Variants in PPM1H observed in about 807,000 individuals in gnomAD.
The protein encoded by PPM1H is protein phosphatase, Mg2+/Mn2+ dependent 1H, also known as protein phosphatase 1H.
Under a neutral mutation model 54.9 loss-of-function variants are expected in PPM1H, and 27 were observed. That is an observed-to-expected ratio of 0.49 (90% CI 0.36 to 0.68). The LOEUF (loss-of-function observed/expected upper bound fraction) is 0.68, where lower values mean the gene tolerates loss of function less well. Ranked by LOEUF, PPM1H falls within the 30% of genes least tolerant of loss-of-function variation. PPM1H has a pLI of 0.00. For missense variants in PPM1H, 596 were observed against 667.8 expected, an observed-to-expected ratio of 0.89 and a Z score of 1.19; for synonymous variants, 305 against 270.8, an observed-to-expected ratio of 1.13 and a Z score of -1.24.
At chr12:62,927,588 G>A (rs1872010376) in intron 1 of PPM1H, among the ~76,000 whole-genome samples, 1 of 151,686 alleles carries the variant, frequency 6.6e-6, no homozygotes, top group African/African-American at 2.4e-5. Flanking sequence ...CTTGAACCCA[G>A]GAGGCAGAGG....
chr12:62,757,894 A>G (rs755260257), intron 4 of PPM1H, among the ~76,000 whole-genome samples: 3 of 152,178 alleles, frequency 2.0e-5, no homozygotes, highest in Non-Finnish European at 4.4e-5. Flanking sequence ...ACCACCTCTC[A>G]AAGAAGAAAA....
intron 1 of PPM1H, among the ~76,000 whole-genome samples, chr12:62,905,156 T>A (rs759846343): frequency 6.6e-6 from 1 of 152,162 alleles, no homozygotes; most frequent in Non-Finnish European, 1.5e-5. Flanking sequence ...AATGAGACAG[T>A]ATTGGTAGAG....
chr12:62,898,819 C>T (rs1050017313), intron 1 of PPM1H, among the ~76,000 whole-genome samples: 2 of 152,216 alleles, frequency 1.3e-5, no homozygotes, highest in Non-Finnish European at 1.5e-5. Flanking sequence ...CTGTGGCAAT[C>T]TGCTTTCTTA....
At chr12:62,648,691 G>A in intron 9 of PPM1H, 55 bp from the exon 10 acceptor site, 1 of 1,565,066 alleles carries the variant, frequency 6.4e-7, no homozygotes, top group Non-Finnish European at 8.8e-7. Flanking sequence ...CAGAAGCCAG[G>A]GTCAAGTGAG....
chr12:62,837,030 T>C (rs1868522263), intron 1 of PPM1H, among the ~76,000 whole-genome samples: 1 of 152,166 alleles, frequency 6.6e-6, no homozygotes, highest in Non-Finnish European at 1.5e-5. Context: ...CATGAGATCA[T>C]AGCAATAGCA....
In PPM1H at chr12:62,693,923, C is replaced by T. The variant is rs1208752165; in HGVS notation, c.1137+13G>A. 6.2e-7 allele frequency: 1 copy of T among 1,609,612 alleles called. No homozygotes were observed. The highest frequency in any genetic ancestry group is 1.3e-5 in the African/African-American group (1 of 74,904). On this transcript the variant is annotated intron_variant, in intron 7 of 9. Coordinates refer to ENST00000228705, the MANE Select transcript of PPM1H (RefSeq NM_020700.2). ...CCCTGTCCTCTCTACCCAGGGGAAG[C>T]ACACGTGCCTACCTTCTTGCCTTCT...
intron 1 of PPM1H, among the ~76,000 whole-genome samples, chr12:62,861,096 G>A (rs1203013919): frequency 1.3e-5 from 2 of 152,334 alleles, no homozygotes; most frequent in South Asian, 2.1e-4. Flanking sequence ...AAGACAGGCA[G>A]TGAGATTTAT....
chr12:62,911,550 C>T (rs532241220), intron 1 of PPM1H, among the ~76,000 whole-genome samples: 1 of 152,304 alleles, frequency 6.6e-6, no homozygotes, highest in South Asian at 2.1e-4. Flanking sequence ...CTCCAGTCCC[C>T]AGCTCCTCTT....
At chr12:62,735,516 C>T (rs1038361651) in intron 5 of PPM1H, among the ~76,000 whole-genome samples, 3 of 152,186 alleles carry the variant, frequency 2.0e-5, no homozygotes, top group Non-Finnish European at 4.4e-5. Context: ...CCGTGCCCAG[C>T]CTGTTTTTAA....
intron 6 of PPM1H, among the ~76,000 whole-genome samples, chr12:62,704,688 G>C (rs1295938453): frequency 6.6e-6 from 1 of 152,186 alleles, no homozygotes; most frequent in Non-Finnish European, 1.5e-5. Flanking sequence ...AGGGCTGGTA[G>C]CAGCCTAGCT....
chr12:62,789,832 G>A (rs1184900307), intron 3 of PPM1H, among the ~76,000 whole-genome samples: 1 of 152,200 alleles, frequency 6.6e-6, no homozygotes, highest in African/African-American at 2.4e-5. Context: ...GACCAACACT[G>A]GCATCATCAA....
rs755124939 is a variant in PPM1H at position 62,934,525 on chromosome 12, G to A, written c.212C>T (p.Thr71Ile). The A allele has an allele frequency of 6.7e-5, 104 of 1,550,348 alleles. No homozygotes were observed. Among genetic ancestry groups the A allele is most frequent in the Non-Finnish European group, 8.9e-5 (102 of 1,147,606 alleles). Residue 71 changes from threonine (T) to isoleucine (I), a missense_variant, in exon 1 of 10, where the codon ACT (threonine) becomes ATT (isoleucine). Physicochemically the swap from Thr to Ile is moderately conservative, Grantham distance 89. Around this residue, in one of 3 missense-constraint regions of PPM1H, gnomAD observed 382 missense variants for 387.1 expected, o/e 0.99. Transcript: ENST00000228705. The surrounding 1 kb of genome is among the most constrained non-coding windows in gnomAD (Gnocchi z 4.2). The stretch of plus-strand genomic sequence containing the variant: ...GCCAGTGGCCCAGGGCAGCCGCCGA[G>A]TCTCCTTGAGGATGAGGATGGGGCG... ...IARPILILKE[T>I]RRLPWATGYA...
intron 1 of PPM1H, among the ~76,000 whole-genome samples, chr12:62,929,958 G>T (rs1872081808): frequency 6.6e-6 from 1 of 152,072 alleles, no homozygotes; most frequent in Admixed American, 6.6e-5. Context: ...CCAAGCAGGA[G>T]TTCTGCAAAG....
chr12:62,800,720 T>C (rs111314761), intron 3 of PPM1H, among the ~76,000 whole-genome samples: 127 of 152,354 alleles, frequency 8.3e-4, no homozygotes, highest in African/African-American at 3.0e-3. Flanking sequence ...TCTTATTCTT[T>C]ATCTGTATGC....
intron 4 of PPM1H, among the ~76,000 whole-genome samples, chr12:62,761,306 A>T (rs2076507202): frequency 6.6e-6 from 1 of 152,238 alleles, no homozygotes; most frequent in East Asian, 1.9e-4. Context: ...TTTGAGGAGG[A>T]AGGGGAAAAG....
intron 1 of PPM1H, among the ~76,000 whole-genome samples, chr12:62,922,462 T>C (rs1449028230): frequency 6.6e-6 from 1 of 152,180 alleles, no homozygotes; most frequent in Non-Finnish European, 1.5e-5. Context: ...CATTTTCCTC[T>C]TTTATTGAAT....
intron 4 of PPM1H, among the ~76,000 whole-genome samples, chr12:62,783,752 A>G (rs1233128369): frequency 1.3e-5 from 2 of 152,254 alleles, no homozygotes; most frequent in East Asian, 1.9e-4. Context: ...GTCTGGCAAG[A>G]GTAGAATTAT....
At position 62,898,630 on chromosome 12, in the gene PPM1H, A is replaced by G. The variant is rs548028186; in HGVS notation, c.245+35862T>C. 2.7e-4 allele frequency among the ~76,000 whole-genome samples: 41 copies of G among 152,310 alleles called. No individual in the cohort carries two copies. The South Asian group carries it at 8.5e-3, about 32-fold the overall frequency. ...TGTCTTTTTCAGGGCTCAAATACAC[A>G]GATTTTTTCCAAATTTAGAAAATAG... On this transcript the variant is annotated intron_variant, in intron 1 of 9. Transcript: ENST00000228705.
At chr12:62,921,868 C>T (rs900566546) in intron 1 of PPM1H, among the ~76,000 whole-genome samples, 5 of 152,190 alleles carry the variant, frequency 3.3e-5, no homozygotes, top group African/African-American at 1.2e-4. Context: ...TTACAGGGGA[C>T]TCACATAAAA....
Sources: allele counts gnomAD v4.1 joint callset (sites outside exome capture counted in the v4.1 genomes callset), GRCh38; gene constraint gnomAD v4.1.1; regional missense constraint gnomAD v4.1.1; non-coding constraint Gnocchi (gnomAD v3.1); transcripts MANE v1.5; gene names NCBI Gene and HGNC (gene_info 2026-07-23, HGNC 2026-07-21).